Variants in THTPA observed in about 807,000 individuals in gnomAD.
THTPA encodes the protein thiamine triphosphatase.
A neutral mutation model predicts 16.5 loss-of-function variants in THTPA; 16 were observed. That is an observed-to-expected ratio of 0.97 (90% confidence interval 0.66 to 1.47). The LOEUF (loss-of-function observed/expected upper bound fraction) is 1.47. Among genes scored for constraint, THTPA ranks in the 40% most tolerant of loss-of-function variants. The pLI, the probability that THTPA is intolerant of heterozygous loss-of-function variation, is 0.00. For missense variants in THTPA, 281 were observed against 280.9 expected (o/e 1.00, Z 0.00); for synonymous variants, 110 against 115.5 (o/e 0.95, Z 0.30).
At chr14:23,526,939 A>G in the THTPA span, 1 of 1,529,738 alleles carries the variant, frequency 6.5e-7, no homozygotes, top group African/African-American at 1.4e-5. Flanking sequence ...TGCAGACAGC[A>G]CTTTGGTTGT....
the THTPA span, chr14:23,526,127 T>C: frequency 1.3e-6 from 2 of 1,536,490 alleles, no homozygotes; most frequent in Admixed American, 2.0e-5. Context: ...GCGAGTCTGA[T>C]GCAGAACTGA....
chr14:23,551,164 TGTCC>T (rs910883718), upstream of THTPA, among the ~76,000 whole-genome samples: 4 of 151,726 alleles, frequency 2.6e-5, no homozygotes, highest in Non-Finnish European at 5.9e-5. This position sits in a 1 kb window ranked among gnomAD's most constrained non-coding sequence, Gnocchi z 5.3. Flanking sequence ...TCGGTCTGTC[TGTCC>T]GTCCGTCCTT....
At chr14:23,538,855 C>T in the THTPA span, among the ~76,000 whole-genome samples, 4 of 152,040 alleles carry the variant, frequency 2.6e-5, no homozygotes, top group African/African-American at 4.8e-5. Context: ...CAGGCAGTGG[C>T]GGTGCTGTGA....
chr14:23,525,549 G>T, the THTPA span: 65 of 1,535,440 alleles, frequency 4.2e-5, no homozygotes, highest in South Asian at 4.0e-4. The surrounding 1 kb of genome is among the most constrained non-coding windows in gnomAD (Gnocchi z 5.9). Flanking sequence ...GGGGTAGGGG[G>T]AGGGGGCACA....
the THTPA span, among the ~76,000 whole-genome samples, chr14:23,544,553 G>A: frequency 6.6e-6 from 1 of 152,156 alleles, no homozygotes; most frequent in Non-Finnish European, 1.5e-5. Flanking sequence ...GGCCCTCCAT[G>A]TACACGTGTG....
chr14:23,528,808 G>T, the THTPA span: 1 of 985,384 alleles, frequency 1.0e-6, no homozygotes, highest in Non-Finnish European at 1.2e-6. Context: ...CCAGAGGGGT[G>T]AGGCTGCCAG....
chr14:23,549,169 A>C, the THTPA span, among the ~76,000 whole-genome samples: 1 of 151,970 alleles, frequency 6.6e-6, no homozygotes, highest in Non-Finnish European at 1.5e-5. Context: ...TATTGCTATC[A>C]ACACGTTTTG....
At chr14:23,521,726 A>G in the THTPA span, 2 of 645,442 alleles carry the variant, frequency 3.1e-6, no homozygotes, top group South Asian at 4.7e-5. Context: ...GGCAAGGGCT[A>G]CATCTGCAAG....
chr14:23,537,536 G>A, the THTPA span, among the ~76,000 whole-genome samples: 74 of 152,266 alleles, frequency 4.9e-4, 1 homozygote, highest in East Asian at 0.014. Context: ...CTCCTCCTGG[G>A]GTTCTAGCCA....
chr14:23,526,279 C>T, the THTPA span: 6 of 1,536,182 alleles, frequency 3.9e-6, no homozygotes, highest in Admixed American at 1.2e-4. Context: ...CAATGGCAGC[C>T]TTCTTCATCT....
chr14:23,554,561 T>C (rs2138968213), upstream of THTPA, among the ~76,000 whole-genome samples: 1 of 151,884 alleles, frequency 6.6e-6, no homozygotes, highest in Admixed American at 6.6e-5. Context: ...TTTTTTTTTT[T>C]TTTTTTTGTA....
At chr14:23,516,682 G>A in the THTPA span, among the ~76,000 whole-genome samples, 245 of 152,262 alleles carry the variant, frequency 1.6e-3, no homozygotes, top group African/African-American at 5.6e-3. Flanking sequence ...GGGTCCTGGA[G>A]GCAGGCCTGG....
chr14:23,520,597 C>G, the THTPA span, among the ~76,000 whole-genome samples: 1 of 152,164 alleles, frequency 6.6e-6, no homozygotes, highest in South Asian at 2.1e-4. This position sits in a 1 kb window ranked among gnomAD's most constrained non-coding sequence, Gnocchi z 8.7. Flanking sequence ...TGATAAATAC[C>G]CAACTCAGGG....
chr14:23,523,821 G>A, the THTPA span: 1 of 1,536,238 alleles, frequency 6.5e-7, no homozygotes, highest in Non-Finnish European at 8.7e-7. The surrounding 1 kb of genome is among the most constrained non-coding windows in gnomAD (Gnocchi z 4.1). Flanking sequence ...GGGGATTCTG[G>A]TTCAGCTAGG....
At chr14:23,523,831 G>A in the THTPA span, 1 of 1,536,204 alleles carries the variant, frequency 6.5e-7, no homozygotes, top group Non-Finnish European at 8.7e-7. This position sits in a 1 kb window ranked among gnomAD's most constrained non-coding sequence, Gnocchi z 4.1. Flanking sequence ...GTTCAGCTAG[G>A]CTGGAAGCAG....
the THTPA span, among the ~76,000 whole-genome samples, chr14:23,517,641 A>G: frequency 6.6e-5 from 10 of 152,072 alleles, no homozygotes; most frequent in Admixed American, 6.5e-5. Flanking sequence ...CCTCCTACAT[A>G]TCTCTTCCCT....
chr14:23,534,809 G>A, the THTPA span: 1 of 1,536,208 alleles, frequency 6.5e-7, no homozygotes, highest in Non-Finnish European at 8.7e-7. The surrounding 1 kb of genome is among the most constrained non-coding windows in gnomAD (Gnocchi z 4.5). Flanking sequence ...TCAAAGCCAT[G>A]TTGGATGTGA....
the THTPA span, among the ~76,000 whole-genome samples, chr14:23,546,718 G>A: frequency 1.4e-4 from 22 of 152,290 alleles, no homozygotes; most frequent in African/African-American, 3.4e-4. The surrounding 1 kb of genome is among the most constrained non-coding windows in gnomAD (Gnocchi z 4.7). Flanking sequence ...TGAGGAGCTC[G>A]AGAAGAAAGA....
the THTPA span, among the ~76,000 whole-genome samples, chr14:23,541,745 C>A: frequency 6.6e-6 from 1 of 152,218 alleles, no homozygotes. Flanking sequence ...ACTATTCTGG[C>A]CTTTCCCTGC....
Sources: allele counts gnomAD v4.1 joint callset (sites outside exome capture counted in the v4.1 genomes callset), GRCh38; gene constraint gnomAD v4.1.1; non-coding constraint Gnocchi (gnomAD v3.1); transcripts MANE v1.5; gene names NCBI Gene and HGNC (gene_info 2026-07-23, HGNC 2026-07-21).